Variants in ZNF280A observed in about 807,000 individuals in gnomAD.
The protein encoded by ZNF280A is zinc finger protein 280A, also known as suppressor of hairy wing homolog 1.
Under a neutral mutation model 35.9 loss-of-function variants are expected in ZNF280A, and 26 were observed. The observed-to-expected ratio is 0.72, with a 90% confidence interval of 0.53 to 1.01. The LOEUF (loss-of-function observed/expected upper bound fraction) is 1.01, where lower values mean the gene tolerates loss of function less well. ZNF280A is among the 50% of genes least tolerant of loss of function. ZNF280A has a pLI of 0.00. For synonymous variants in ZNF280A, 231 were observed against 232.9 expected (o/e 0.99, Z 0.07); for missense variants, 654 against 652.0 (o/e 1.00, Z -0.03).
At position 22,515,160 on chromosome 22, in the gene ZNF280A, G is replaced by A. The variant is rs2062054277; in HGVS notation, c.471C>T (p.Gly157=). ...CLVGAMVSGG[G]RNESSPDSKR... ...TTGAATCAGGAGAACTCTCATTTCT[G>A]CCTCCTCCAGAGACCATAGCTCCAA... The change falls in exon 2 of 2, where the codon GGC becomes GGT. Residue 157 remains glycine, a synonymous_variant. Transcript: ENST00000302097. 6.2e-7 allele frequency: 1 copy of A among 1,613,742 alleles called. No individual in the cohort carries two copies. The highest frequency in any genetic ancestry group is 1.7e-5 in the Admixed American group (1 of 59,966).
chr22:22,518,564 G>A (rs1410734427), intron 1 of ZNF280A, among the ~76,000 whole-genome samples: 1 of 151,570 alleles, frequency 6.6e-6, no homozygotes, highest in Non-Finnish European at 1.5e-5. Flanking sequence ...GAGGTGGGCA[G>A]ATCACTTGAG....
rs139644433 is a variant in ZNF280A at position 22,515,025 on chromosome 22, A to G, written c.606T>C (p.Ser202=). 3.1e-4 allele frequency: 503 copies of G among 1,613,906 alleles called. 2 individuals carry two copies. The East Asian group carries it at 9.9e-3, about 32-fold the overall frequency. ...GTGAGGGTGTATTTGTGCTTATTGTAGAAGACATATCTGAAGGGACCACAG... is the reference window on the plus strand; with the variant it reads ...GTGAGGGTGTATTTGTGCTTATTGTGGAAGACATATCTGAAGGGACCACAG... ...SLAVVPSDMS[S]TISTNTPSQG... The change falls in exon 2 of 2, where the codon TCT becomes TCC. Residue 202 remains serine (S), a synonymous_variant. Transcript: ENST00000302097.
In ZNF280A at chr22:22,520,246, C is replaced by A. The variant is rs928413376; in HGVS notation, c.-229G>T. 4.8e-4 allele frequency: 73 copies of A among 152,138 alleles called. No individual in the cohort carries two copies. The highest frequency in any genetic ancestry group is 1.6e-3 in the African/African-American group (66 of 41,532). 9.4% of individuals were successfully genotyped at this position (152,138 alleles called of 1,614,324 possible). On this transcript the variant is annotated 5_prime_UTR_variant, in exon 1 of 2. Transcript: ENST00000302097. The stretch of plus-strand genomic sequence containing the variant: ...GCACTGCTTCCGCAGGCGAACAACG[C>A]CGCTTGCTCTTCAAAGTCCTTTCTG...
rs754263306 is a variant in ZNF280A at position 22,514,935 on chromosome 22, A to G, written c.696T>C (p.Asn232=). 19 of 1,613,906 alleles carry G rather than the reference A, an allele frequency of 1.2e-5. 1 individual carries two copies. The South Asian group carries it at 2.1e-4, about 18-fold the overall frequency. ...CTGTAAGATTGAAATGTGCCTTTCC[A>G]TTAGCATCAGGCCAAGGAAATGTTA... is the stretch of plus-strand genomic sequence containing the variant. ...NGVTFPWPDA[N]GKAHFNLTDP... Residue 232 remains asparagine (N), a synonymous_variant, in exon 2 of 2, where the codon AAT becomes AAC. Transcript: ENST00000302097.
Position 22,514,058 on chromosome 22 carries a change from T to C in ZNF280A, c.1573A>G (p.Lys525Glu). ...PQSSPVKTKK[K>E]TAMNTRDSRL... is the part of the protein sequence containing the mutation. The stretch of plus-strand genomic sequence containing the variant: ...GAATCTCTAGTGTTCATAGCCGTCT[T>C]CTTTTTAGTTTTTACAGGAGAAGAC... The change falls in exon 2 of 2, where the codon AAG (lysine) becomes GAG (glutamate). Residue 525 changes from lysine (K) to glutamate (E), a missense_variant. Transcript: ENST00000302097. 2 of 1,610,962 alleles carry C rather than the reference T, an allele frequency of 1.2e-6. No homozygotes were observed. Among genetic ancestry groups the C allele is most frequent in the Non-Finnish European group, 1.7e-6 (2 of 1,178,880 alleles).
Position 22,513,880 on chromosome 22 carries a change from T to C in ZNF280A, c.*122A>G. ...TTGACAATAGGGAGCTGATGAGATGTCACTGTAAAAAACAACCTGACAGTT... is the reference window on the plus strand; with the variant it reads ...TTGACAATAGGGAGCTGATGAGATGCCACTGTAAAAAACAACCTGACAGTT... On this transcript the variant is annotated 3_prime_UTR_variant, in exon 2 of 2. Coordinates refer to ENST00000302097, the MANE Select transcript of ZNF280A (RefSeq NM_080740.5). 1.5e-6 allele frequency: 1 copy of C among 669,380 alleles called. No individual in the cohort carries two copies. Among genetic ancestry groups the C allele is most frequent in the Non-Finnish European group, 2.6e-6 (1 of 379,566 alleles). The allele number at this position is 669,380 out of a possible 1,614,324, so 41.5% of individuals were successfully genotyped here. A position where few individuals can be genotyped will look rare whatever the true frequency, so the allele number is the denominator to read the frequency against.
chr22:22,519,649 T>C (rs182049507), intron 1 of ZNF280A, among the ~76,000 whole-genome samples: 79 of 152,046 alleles, frequency 5.2e-4, no homozygotes, highest in African/African-American at 1.8e-3. Context: ...ACCCTTGTAC[T>C]TTGGGGCCAT....
In ZNF280A at chr22:22,515,189, G is replaced by A; in HGVS notation, c.442C>T (p.Leu148=). The A allele has an allele frequency of 6.2e-7, 1 of 1,613,870 alleles. No individual in the cohort carries two copies. The highest frequency in any genetic ancestry group is 8.5e-7 in the Non-Finnish European group (1 of 1,179,962). Residue 148 remains leucine (L), a synonymous_variant, in exon 2 of 2, where the codon CTA becomes TTA. Transcript: ENST00000302097. ...SDSLPPGTQC[L]VGAMVSGGGR... ...CCTCCAGAGACCATAGCTCCAACTA[G>A]ACACTGAGTCCCTGGGGGGAGCGAG...
At chr22:22,519,524 T>G (rs894184300) in intron 1 of ZNF280A, among the ~76,000 whole-genome samples, 3 of 151,996 alleles carry the variant, frequency 2.0e-5, no homozygotes, top group African/African-American at 7.2e-5. Context: ...CTTGGCAACC[T>G]TAGCATACGA....
rs145967949 is a variant in ZNF280A, at chr22:22,514,412, C to T, written c.1219G>A (p.Ala407Thr). Residue 407 changes from alanine to threonine, a missense_variant, in exon 2 of 2, where the codon GCT becomes ACT. Physicochemically the swap from Ala to Thr is moderately conservative, Grantham distance 58. Transcript: ENST00000302097. ...QVCHYRSSVF[A>T]DVETHFRTCH... ...GTTCTAAAATGTGTTTCCACATCAG[C>T]AAAGACCGACGATCTGTAATGGCAA... The T allele has an allele frequency of 1.2e-5, 20 of 1,613,794 alleles. No homozygotes were observed. In the African/African-American group the frequency reaches 2.1e-4, roughly 17 times the overall value.
rs1248080026 is a variant in ZNF280A, at chr22:22,518,030, A to G, written c.-72+2059T>C. Reference sequence around the variant, plus strand: ...GGCTCCGCCCCGCGGGGTTCACGCCATTCTCCTGCCTCAGTCTCCCGCGTA... The same window carrying G: ...GGCTCCGCCCCGCGGGGTTCACGCCGTTCTCCTGCCTCAGTCTCCCGCGTA... On this transcript the variant is annotated intron_variant, in intron 1 of 1. Coordinates refer to ENST00000302097, the MANE Select transcript of ZNF280A (RefSeq NM_080740.5). Among the ~76,000 whole-genome samples the G allele has an allele frequency of 2.7e-5, 4 of 149,272 alleles. No individual in the cohort carries two copies. The East Asian group carries it at 6.1e-4, about 23-fold the overall frequency.
At chr22:22,518,264 T>A (rs1197401013) in intron 1 of ZNF280A, among the ~76,000 whole-genome samples, 24 of 151,862 alleles carry the variant, frequency 1.6e-4, no homozygotes, top group Non-Finnish European at 1.2e-4. Context: ...ATCCTATTTC[T>A]TTTTGTAAGC....
rs867542239 is a variant in ZNF280A at position 22,519,553 on chromosome 22, T to C, written c.-72+536A>G. 2.4e-4 allele frequency among the ~76,000 whole-genome samples: 37 copies of C among 152,120 alleles called. 1 individual carries two copies. Among genetic ancestry groups the C allele is most frequent in the African/African-American group, 8.4e-4 (35 of 41,528 alleles). On this transcript the variant is annotated intron_variant, in intron 1 of 1. Transcript: ENST00000302097. Reference sequence around the variant, plus strand: ...CATACGATTTTGTTTTCTTTCCTTATTATGTTAAAAACTTTCCCATTTTCA... The same window carrying C: ...CATACGATTTTGTTTTCTTTCCTTACTATGTTAAAAACTTTCCCATTTTCA...
intron 1 of ZNF280A, among the ~76,000 whole-genome samples, chr22:22,519,579 C>T (rs1336684771): frequency 1.3e-5 from 2 of 151,962 alleles, no homozygotes; most frequent in Non-Finnish European, 1.5e-5. Flanking sequence ...CCCATTTTCA[C>T]TTAAAGGAAG....
At position 22,519,160 on chromosome 22, in the gene ZNF280A, G is replaced by A. The variant is rs1024120606; in HGVS notation, c.-72+929C>T. ...TAATAAAAGATATGTGAGATAGGGC[G>A]TGGTGGCTCATGCCTGTAACCTCAG... On this transcript the variant is annotated intron_variant, in intron 1 of 1. Transcript: ENST00000302097. Among the ~76,000 whole-genome samples the A allele has an allele frequency of 3.3e-5, 5 of 151,870 alleles. No homozygotes were observed. The East Asian group carries it at 5.9e-4, about 18-fold the overall frequency.
rs1214311879 is a variant in ZNF280A, at chr22:22,514,754, T to C, written c.877A>G (p.Lys293Glu). Residue 293 changes from lysine to glutamate, a missense_variant, in exon 2 of 2, where the codon AAG (lysine) becomes GAG (glutamate). Physicochemically the swap from Lys to Glu is moderately conservative, Grantham distance 56. Coordinates refer to ENST00000302097, the MANE Select transcript of ZNF280A (RefSeq NM_080740.5). The part of the protein sequence containing the change: ...QHKGDGQPEQ[K>E]THTTFKCLSC... ...AGGCATTTAAAGGTGGTGTGAGTCT[T>C]CTGTTCCGGCTGCCCATCTCCTTTA... The C allele has an allele frequency of 2.5e-6, 4 of 1,613,816 alleles. No homozygotes were observed. In the African/African-American group the frequency reaches 5.3e-5, roughly 22 times the overall value.
chr22:22,518,988 C>A (rs1224637303), intron 1 of ZNF280A, among the ~76,000 whole-genome samples: 1 of 151,612 alleles, frequency 6.6e-6, no homozygotes, highest in Non-Finnish European at 1.5e-5. Flanking sequence ...TCCAAGACCC[C>A]CGAAGTGGAT....
rs1184874912 is a variant in ZNF280A, at chr22:22,515,294, T to G, written c.337A>C (p.Ser113Arg). 1 of 1,613,850 alleles carries G rather than the reference T, an allele frequency of 6.2e-7. No homozygotes were observed. Among genetic ancestry groups the G allele is most frequent in the Non-Finnish European group, 8.5e-7 (1 of 1,179,952 alleles). ...VSLSEGRSTD[S>R]PVTMKSSSEP... ...GATGAAGACTTCATAGTGACAGGAC[T>G]ATCTGTCGATCGCCCCTCAGACAGA... Residue 113 changes from serine (S) to arginine (R), a missense_variant, in exon 2 of 2, where the codon AGT becomes CGT. Ser to Arg is a moderately radical substitution (Grantham distance 110). Coordinates refer to ENST00000302097, the MANE Select transcript of ZNF280A (RefSeq NM_080740.5).
At chr22:22,517,876 T>TAAAAAAA (rs362029) in intron 1 of ZNF280A, among the ~76,000 whole-genome samples, 1 of 127,922 alleles carries the variant, frequency 7.8e-6, no homozygotes, top group Non-Finnish European at 1.6e-5. Flanking sequence ...ACATCTGATG[T>TAAAAAAA]AAAAAAAAAA....
Sources: allele counts gnomAD v4.1 joint callset (sites outside exome capture counted in the v4.1 genomes callset), GRCh38; gene constraint gnomAD v4.1.1; transcripts MANE v1.5; gene names NCBI Gene and HGNC (gene_info 2026-07-23, HGNC 2026-07-21).